Variants in PCYT1A observed in about 807,000 individuals in gnomAD.
PCYT1A encodes the protein choline-phosphate cytidylyltransferase A.
In PCYT1A, 25 loss-of-function variants were observed where a neutral mutation model predicts 43.7. That is an observed-to-expected ratio of 0.57 (90% CI 0.42 to 0.80). The LOEUF is 0.80. Ranked by LOEUF, PCYT1A falls within the 30% of genes least tolerant of loss-of-function variation. The pLI, the probability that PCYT1A is intolerant of heterozygous loss-of-function variation, is 0.00. For missense variants in PCYT1A, 421 were observed against 474.2 expected (o/e 0.89, Z 1.04); for synonymous variants, 172 against 170.7 (o/e 1.01, Z -0.06).
intron 2 of PCYT1A, among the ~76,000 whole-genome samples, chr3:196,269,054 G>A (rs1302618859): frequency 6.6e-6 from 1 of 152,206 alleles, no homozygotes; most frequent in African/African-American, 2.4e-5. Flanking sequence ...AAGGCAAGAA[G>A]ATGGACTTTC....
At chr3:196,241,085 G>A (rs894862591) in intron 7 of PCYT1A, among the ~76,000 whole-genome samples, 10 of 142,544 alleles carry the variant, frequency 7.0e-5, no homozygotes, top group Non-Finnish European at 9.0e-5. Flanking sequence ...CTTGAGGCCA[G>A]GAGTTTGAGA....
At position 196,277,390 on chromosome 3, in the gene PCYT1A, G is replaced by A. The variant is rs1355134434; in HGVS notation, c.-10-6849C>T. On this transcript the variant is annotated intron_variant, in intron 1 of 8. Transcript: ENST00000431016. This position sits in a 1 kb window ranked among gnomAD's most constrained non-coding sequence, Gnocchi z 4.1. The stretch of plus-strand genomic sequence containing the variant: ...TTAAACTGAAGTCTTTAGATCCTTC[G>A]GATTTAAAATAAAACACACCCACTG... 6.6e-6 allele frequency among the ~76,000 whole-genome samples: 1 copy of A among 151,830 alleles called. No individual in the cohort carries two copies. Among genetic ancestry groups the A allele is most frequent in the Non-Finnish European group, 1.5e-5 (1 of 67,990 alleles).
At chr3:196,241,753 G>T in intron 7 of PCYT1A, 195 bp downstream of exon 7, 1 of 1,229,552 alleles carries the variant, frequency 8.1e-7, no homozygotes, top group Non-Finnish European at 1.1e-6. Flanking sequence ...ATACGAATGT[G>T]TTGGTACCAG....
chr3:196,242,182 C>T lies in PCYT1A; in HGVS notation c.566-92G>A. ...GGAAATTGGGGGCAACATTCCTTTC[C>T]TTTCCTCAAAAAGCAGAATCTGTTA... On this transcript the variant is annotated intron_variant, in intron 6 of 8. Coordinates refer to ENST00000431016, the MANE Select transcript of PCYT1A (RefSeq NM_001312673.2). The surrounding 1 kb of genome is among the most constrained non-coding windows in gnomAD (Gnocchi z 4.2). 1 of 1,280,282 alleles carries T rather than the reference C, an allele frequency of 7.8e-7. No individual in the cohort carries two copies. The highest frequency in any genetic ancestry group is 1.1e-6 in the Non-Finnish European group (1 of 892,196). 79.3% of individuals were successfully genotyped at this position (1,280,282 alleles called of 1,614,324 possible). A position where few individuals can be genotyped will look rare whatever the true frequency, so the allele number is the denominator to read the frequency against.
chr3:196,283,075 C>T (rs1484591220), intron 1 of PCYT1A, among the ~76,000 whole-genome samples: 1 of 152,222 alleles, frequency 6.6e-6, no homozygotes, highest in Non-Finnish European at 1.5e-5. Flanking sequence ...CAGTGGCTCA[C>T]GCCTGTAATC....
At chr3:196,244,848 AGGG>A (rs1724506995) in intron 5 of PCYT1A, among the ~76,000 whole-genome samples, 1 of 152,032 alleles carries the variant, frequency 6.6e-6, no homozygotes, top group Non-Finnish European at 1.5e-5. Flanking sequence ...AAATGGATTA[AGGG>A]CGGTGCAAGA....
rs937326420 is a variant in PCYT1A at position 196,235,721 on chromosome 3, C to G, written c.*2967G>C. Reference sequence around the variant, plus strand: ...CTCATCTTGGCCACATTTGGCCCACCCATGTTGACTGCTTTCTCGTGTGTG... The same window carrying G: ...CTCATCTTGGCCACATTTGGCCCACGCATGTTGACTGCTTTCTCGTGTGTG... On this transcript the variant is annotated 3_prime_UTR_variant, in exon 9 of 9. Coordinates refer to ENST00000431016, the MANE Select transcript of PCYT1A (RefSeq NM_001312673.2). This position sits in a 1 kb window ranked among gnomAD's most constrained non-coding sequence, Gnocchi z 4.3. The G allele has an allele frequency of 6.6e-6, 1 of 152,272 alleles. No individual in the cohort carries two copies. Among genetic ancestry groups the G allele is most frequent in the East Asian group, 1.9e-4 (1 of 5,200 alleles). 9.4% of individuals were successfully genotyped at this position (152,272 alleles called of 1,614,324 possible).
intron 1 of PCYT1A, among the ~76,000 whole-genome samples, chr3:196,286,061 C>CTT (rs533707821): frequency 0.017 from 2,169 of 124,470 alleles, 113 homozygotes; most frequent in African/African-American, 0.06. Flanking sequence ...ACCACTGTCC[C>CTT]TTTTTTTTTT....
intron 2 of PCYT1A, chr3:196,267,370 G>A: frequency 2.2e-6 from 1 of 455,060 alleles, no homozygotes; most frequent in South Asian, 1.6e-5. Context: ...GAGAGACTGG[G>A]GGGAAATGGG....
Position 196,247,900 on chromosome 3 carries a change from C to A in PCYT1A, c.334+307G>T. The A allele has an allele frequency of 2.1e-6, 1 of 484,374 alleles. No homozygotes were observed. 30.0% of individuals were successfully genotyped at this position (484,374 alleles called of 1,614,324 possible). A position where few individuals can be genotyped will look rare whatever the true frequency, so the allele number is the denominator to read the frequency against. On this transcript the variant is annotated intron_variant, in intron 4 of 8. Coordinates refer to ENST00000431016, the MANE Select transcript of PCYT1A (RefSeq NM_001312673.2). This position sits in a 1 kb window ranked among gnomAD's most constrained non-coding sequence, Gnocchi z 4.8. ...GCAGACTTTTGTACTCCAGTTAATT[C>A]AAAATGATAAACTGAAATCTAAAGC...
chr3:196,275,602 G>A (rs1354165569), intron 1 of PCYT1A, among the ~76,000 whole-genome samples: 4 of 151,928 alleles, frequency 2.6e-5, no homozygotes, highest in East Asian at 3.9e-4. Flanking sequence ...GTGTGGTGGC[G>A]CATATCTGTA....
At position 196,249,955 on chromosome 3, in the gene PCYT1A, C is replaced by T. The variant is rs147265854; in HGVS notation, c.218-1632G>A. 5.2e-3 allele frequency among the ~76,000 whole-genome samples: 787 copies of T among 150,958 alleles called. 6 individuals are homozygous for T. Among genetic ancestry groups the T allele is most frequent in the Non-Finnish European group, 8.7e-3 (586 of 67,628 alleles). ...ATACTGAGGCTGAGGACCAGATACA[C>T]CATGCTGAGGTTGAGTACCACATAC... is the stretch of plus-strand genomic sequence containing the variant. On this transcript the variant is annotated intron_variant, in intron 3 of 8. Transcript: ENST00000431016.
chr3:196,282,645 T>C lies in PCYT1A; in HGVS notation c.-11+4970A>G, dbSNP rs1415572796. Among the ~76,000 whole-genome samples, 2 of 152,206 alleles carry C rather than the reference T, an allele frequency of 1.3e-5. No individual in the cohort carries two copies. The highest frequency in any genetic ancestry group is 3.8e-4 in the East Asian group (2 of 5,200). On this transcript the variant is annotated intron_variant, in intron 1 of 8. Transcript: ENST00000431016. This position sits in a 1 kb window ranked among gnomAD's most constrained non-coding sequence, Gnocchi z 4.3. The stretch of plus-strand genomic sequence containing the variant: ...ATATAACTGGTTTTCTTTATAGTTC[T>C]ATGTATTTTATTTTTGCATATAAAA...
rs1029930336 is a variant in PCYT1A, at chr3:196,279,360, A to C, written c.-11+8255T>G. Among the ~76,000 whole-genome samples, 5 of 151,862 alleles carry C rather than the reference A, an allele frequency of 3.3e-5. No individual in the cohort carries two copies. In the South Asian group the frequency reaches 1.0e-3, roughly 32 times the overall value. On this transcript the variant is annotated intron_variant, in intron 1 of 8. Transcript: ENST00000431016. ...GACCTGATCTTTCCAACTGCTGCCT[A>C]TTCACTCCCTAGATAAGTCACCTTA...
At chr3:196,266,098 C>T (rs1725265644) in intron 2 of PCYT1A, among the ~76,000 whole-genome samples, 1 of 151,810 alleles carries the variant, frequency 6.6e-6, no homozygotes, top group South Asian at 2.1e-4. Context: ...TAGAATTCTA[C>T]TCTATGCTCA....
rs759925440 is a variant in PCYT1A, at chr3:196,242,836, T to C, written c.487-196A>G. The C allele has an allele frequency of 1.7e-5, 10 of 602,866 alleles. No homozygotes were observed. The highest frequency in any genetic ancestry group is 3.0e-5 in the Non-Finnish European group (10 of 332,588). The allele number at this position is 602,866 out of a possible 1,614,324, so 37.3% of individuals were successfully genotyped here. A position where few individuals can be genotyped will look rare whatever the true frequency, so the allele number is the denominator to read the frequency against. On this transcript the variant is annotated intron_variant, in intron 5 of 8. Coordinates refer to ENST00000431016, the MANE Select transcript of PCYT1A (RefSeq NM_001312673.2). This position sits in a 1 kb window ranked among gnomAD's most constrained non-coding sequence, Gnocchi z 4.2. ...CCTAATGATTTATGGAGTATACATATGAAGTTAGCCAGCTGCTTTTGTAGC... is the reference window on the plus strand; with the variant it reads ...CCTAATGATTTATGGAGTATACATACGAAGTTAGCCAGCTGCTTTTGTAGC...
chr3:196,252,232 C>G lies in PCYT1A; in HGVS notation c.218-3909G>C. On this transcript the variant is annotated intron_variant, in intron 3 of 8. Transcript: ENST00000431016. The surrounding 1 kb of genome is among the most constrained non-coding windows in gnomAD (Gnocchi z 4.0). ...TACAGATGGGGTTTCACATGTTGCC[C>G]AAGCTAGTTGTATTTTTATTTATTT... Among the ~76,000 whole-genome samples the G allele has an allele frequency of 6.6e-6, 1 of 152,018 alleles. No individual in the cohort carries two copies. Among genetic ancestry groups the G allele is most frequent in the Non-Finnish European group, 1.5e-5 (1 of 68,010 alleles).
In PCYT1A at chr3:196,238,655, A is replaced by G. The variant is rs1724249066; in HGVS notation, c.*33T>C. On this transcript the variant is annotated 3_prime_UTR_variant, in exon 9 of 9. Coordinates refer to ENST00000431016, the MANE Select transcript of PCYT1A (RefSeq NM_001312673.2). Reference sequence around the variant, plus strand: ...AGAGAGCTTCTGAAGGTAATGGGACAGAAAGGGAGGACAGGAAAGGAGGGA... The same window carrying G: ...AGAGAGCTTCTGAAGGTAATGGGACGGAAAGGGAGGACAGGAAAGGAGGGA... 2 of 1,384,980 alleles carry G rather than the reference A, an allele frequency of 1.4e-6. No individual in the cohort carries two copies. Among genetic ancestry groups the G allele is most frequent in the Admixed American group, 2.5e-5 (1 of 40,540 alleles). 85.8% of individuals were successfully genotyped at this position (1,384,980 alleles called of 1,614,324 possible).
chr3:196,263,030 T>G (rs1040362012), intron 2 of PCYT1A, among the ~76,000 whole-genome samples: 1 of 152,058 alleles, frequency 6.6e-6, no homozygotes, highest in Admixed American at 6.6e-5. Flanking sequence ...CCCGACCTCA[T>G]GATCCACCCG....
Sources: allele counts gnomAD v4.1 joint callset (sites outside exome capture counted in the v4.1 genomes callset), GRCh38; gene constraint gnomAD v4.1.1; non-coding constraint Gnocchi (gnomAD v3.1); transcripts MANE v1.5; gene names NCBI Gene and HGNC (gene_info 2026-07-23, HGNC 2026-07-21).